Variants in ASPSCR1 observed in about 807,000 individuals in gnomAD.
ASPSCR1 encodes tether containing UBX domain for GLUT4.
In ASPSCR1, 55 loss-of-function variants were observed where a neutral mutation model predicts 68.9. The observed-to-expected ratio is 0.80, with a 90% CI of 0.64 to 1.00. The LOEUF is 1.00. Among genes scored for constraint, ASPSCR1 ranks in the 50% least tolerant of loss-of-function variants. The pLI is 0.00. For synonymous variants in ASPSCR1, 352 were observed against 332.6 expected, an observed-to-expected ratio of 1.06 and a Z score of -0.63; for missense variants, 765 against 762.2, an observed-to-expected ratio of 1.00 and a Z score of -0.04.
Position 82,010,827 on chromosome 17 carries a change from A to C in ASPSCR1, c.1196A>C (p.Asp399Ala). 1 of 1,613,010 alleles carries C rather than the reference A, an allele frequency of 6.2e-7. No homozygotes were observed. Among genetic ancestry groups the C allele is most frequent in the Non-Finnish European group, 8.5e-7 (1 of 1,179,872 alleles). ...PKVALRVLFPDRYVLQGFFRP... is the reference protein window; with the variant it reads ...PKVALRVLFPARYVLQGFFRP... ...GTGGCTCTGAGGGTCCTGTTCCCCG[A>C]CCGCTACGTCCTACAGGGCTTCTTC... is the stretch of plus-strand genomic sequence containing the variant. The change falls in exon 10 of 16, where the codon GAC becomes GCC. Residue 399 changes from aspartate (D) to alanine (A), a missense_variant. Asp to Ala is a moderately radical substitution (Grantham distance 126). Coordinates refer to ENST00000306739, the MANE Select transcript of ASPSCR1 (RefSeq NM_024083.4).
chr17:82,001,318 C>G (rs1310797444), intron 7 of ASPSCR1, among the ~76,000 whole-genome samples: 1 of 152,150 alleles, frequency 6.6e-6, no homozygotes, highest in African/African-American at 2.4e-5. Flanking sequence ...ACAGGAGCCC[C>G]CACATCCGAC....
chr17:82,016,793 C>G lies in ASPSCR1; in HGVS notation c.1406-7C>G. 6.2e-7 allele frequency: 1 copy of G among 1,608,484 alleles called. No homozygotes were observed. The highest frequency in any genetic ancestry group is 2.2e-5 in the East Asian group (1 of 44,860). On this transcript the variant is annotated splice_region_variant and splice_polypyrimidine_tract_variant and intron_variant, in intron 13 of 15. Transcript: ENST00000306739. ...GAGGCTCAGGGTGAGCTTGGGCCTC[C>G]CTGCAGGTGTCTACCTGGAGCCTGG...
chr17:81,988,938 C>T (rs1043031315), intron 4 of ASPSCR1, among the ~76,000 whole-genome samples: 2 of 152,142 alleles, frequency 1.3e-5, no homozygotes, highest in East Asian at 1.9e-4. Flanking sequence ...CCGGGCATGG[C>T]GGCTCTCACC....
intron 11 of ASPSCR1, 77 bp downstream of exon 11, chr17:82,011,682 G>A: frequency 6.6e-7 from 1 of 1,508,022 alleles, no homozygotes; most frequent in South Asian, 1.2e-5. Context: ...GCCCGTCCCA[G>A]CTGGGGCTCG....
chr17:82,009,237 G>A, intron 8 of ASPSCR1, 46 bp downstream of exon 8: 1 of 1,541,062 alleles, frequency 6.5e-7, no homozygotes, highest in Non-Finnish European at 8.8e-7. Flanking sequence ...GCCAGGGTTT[G>A]CCCCATCGGG....
chr17:82,003,980 C>T (rs1261596722), intron 7 of ASPSCR1, among the ~76,000 whole-genome samples: 2 of 152,236 alleles, frequency 1.3e-5, no homozygotes, highest in African/African-American at 4.8e-5. Context: ...CGGGCCGAGA[C>T]GGTGGGAGGG....
Position 81,977,748 on chromosome 17 carries a change from G to C in ASPSCR1, c.102G>C (p.Gln34His), listed in dbSNP as rs1401210844. The change falls in exon 1 of 16, where the codon CAG (glutamine) becomes CAC (histidine). Residue 34 changes from glutamine (Q) to histidine (H), a missense_variant and splice_region_variant. By Grantham distance (24) the Gln-to-His change is conservative. Transcript: ENST00000306739. This position sits in a 1 kb window ranked among gnomAD's most constrained non-coding sequence, Gnocchi z 5.0. ...TGACGCCGAGCACCGTGCTGCTTCA[G>C]GTGCGGCCGCCCGCCCGGGGCGGAC... ...VKVTPSTVLL[Q>H]VLEDTCRRQD... is the part of the protein sequence containing the mutation. 1 of 1,233,436 alleles carries C rather than the reference G, an allele frequency of 8.1e-7. No homozygotes were observed. The highest frequency in any genetic ancestry group is 1.0e-6 in the Non-Finnish European group (1 of 986,840). The allele number at this position is 1,233,436 out of a possible 1,614,324, so 76.4% of individuals were successfully genotyped here.
chr17:81,985,477 A>T (rs1160373353), intron 3 of ASPSCR1, 30 bp from the exon 4 acceptor site: 2 of 1,603,972 alleles, frequency 1.2e-6, no homozygotes, highest in African/African-American at 2.7e-5. Context: ...TTTCTTCCTA[A>T]GGAAGTTTCT....
In ASPSCR1 at chr17:81,986,716, A is replaced by G. The variant is rs1161056890; in HGVS notation, c.374+1109A>G. The stretch of plus-strand genomic sequence containing the variant: ...TGAGTTCATGTCTTGAGGACCGAGC[A>G]TAGGGCCTGTGGGAAGGTGACCGCG... On this transcript the variant is annotated intron_variant, in intron 4 of 15. Transcript: ENST00000306739. This position sits in a 1 kb window ranked among gnomAD's most constrained non-coding sequence, Gnocchi z 5.2. 8.0e-6 allele frequency among the ~76,000 whole-genome samples: 1 copy of G among 125,594 alleles called. No homozygotes were observed. The highest frequency in any genetic ancestry group is 1.6e-5 in the Non-Finnish European group (1 of 61,574). 82.4% of individuals were successfully genotyped at this position (125,594 alleles called of 152,430 possible).
Position 82,009,484 on chromosome 17 carries a change from A to G in ASPSCR1, c.1089-2A>G, listed in dbSNP as rs1205892074. On this transcript the variant is annotated splice_acceptor_variant, in intron 8 of 15. Coordinates refer to ENST00000306739, the MANE Select transcript of ASPSCR1 (RefSeq NM_024083.4). LOFTEE classifies it high-confidence loss of function. Reference sequence around the variant, plus strand: ...CCCTGTTCCTTCCCCTCCTCACCACAGGAAGCGCCTGGAAGAAGCCCCCTT... The same window carrying G: ...CCCTGTTCCTTCCCCTCCTCACCACGGGAAGCGCCTGGAAGAAGCCCCCTT... 1 of 1,575,992 alleles carries G rather than the reference A, an allele frequency of 6.3e-7. No individual in the cohort carries two copies. Among genetic ancestry groups the G allele is most frequent in the Non-Finnish European group, 8.6e-7 (1 of 1,160,846 alleles).
At chr17:82,002,173 A>C (rs1044417749) in intron 7 of ASPSCR1, among the ~76,000 whole-genome samples, 2 of 147,328 alleles carry the variant, frequency 1.4e-5, no homozygotes, top group African/African-American at 5.0e-5. Context: ...CTTCTAAAGT[A>C]TTTTTCTTTT....
intron 4 of ASPSCR1, among the ~76,000 whole-genome samples, chr17:81,994,300 G>A (rs956646576): frequency 2.0e-5 from 3 of 152,226 alleles, no homozygotes; most frequent in Admixed American, 1.3e-4. Flanking sequence ...GGGCGTGAGC[G>A]GAGTGCAGCG....
intron 10 of ASPSCR1, among the ~76,000 whole-genome samples, chr17:82,011,294 G>A (rs2042930007): frequency 6.6e-6 from 1 of 152,074 alleles, no homozygotes; most frequent in African/African-American, 2.4e-5. Flanking sequence ...CGCTTAGGCT[G>A]GGGCGGGGGT....
At position 81,985,674 on chromosome 17, in the gene ASPSCR1, G is replaced by A. The variant is rs558036355; in HGVS notation, c.374+67G>A. The A allele has an allele frequency of 4.0e-6, 6 of 1,507,452 alleles. No individual in the cohort carries two copies. In the Admixed American group the frequency reaches 7.0e-5, roughly 17 times the overall value. 93.4% of individuals were successfully genotyped at this position (1,507,452 alleles called of 1,614,324 possible). Reference sequence around the variant, plus strand: ...CTGGGGAAGCTGCTGTGGTTACTGGGTCTGGTTCAGAGCTGGACACCCAAG... The same window carrying A: ...CTGGGGAAGCTGCTGTGGTTACTGGATCTGGTTCAGAGCTGGACACCCAAG... On this transcript the variant is annotated intron_variant, in intron 4 of 15. Coordinates refer to ENST00000306739, the MANE Select transcript of ASPSCR1 (RefSeq NM_024083.4).
At chr17:81,998,256 C>G (rs1357079171) in intron 7 of ASPSCR1, among the ~76,000 whole-genome samples, 1 of 152,184 alleles carries the variant, frequency 6.6e-6, no homozygotes, top group African/African-American at 2.4e-5. Flanking sequence ...CAATTGTGAG[C>G]CACCTCACCA....
intron 11 of ASPSCR1, 22 bp downstream of exon 11, chr17:82,011,627 C>T: frequency 6.2e-7 from 1 of 1,603,692 alleles, no homozygotes; most frequent in Non-Finnish European, 8.5e-7. Flanking sequence ...CTCCTGAGCC[C>T]ACTCCTGCCT....
At chr17:82,015,154 G>T in intron 12 of ASPSCR1, 1 of 1,598,290 alleles carries the variant, frequency 6.3e-7, no homozygotes, top group Non-Finnish European at 8.5e-7. Flanking sequence ...CAGAGAACAC[G>T]CTTGCCAGTG....
intron 15 of ASPSCR1, 84 bp from the exon 16 acceptor site, chr17:82,017,225 G>C (rs550618051): frequency 1.3e-6 from 2 of 1,596,608 alleles, no homozygotes; most frequent in Admixed American, 3.3e-5. Context: ...CGGCAGGGCC[G>C]AGTGCTTCAG....
At position 81,999,915 on chromosome 17, in the gene ASPSCR1, C is replaced by T. The variant is rs1335642533; in HGVS notation, c.933+3069C>T. Among the ~76,000 whole-genome samples, 1 of 152,208 alleles carries T rather than the reference C, an allele frequency of 6.6e-6. No individual in the cohort carries two copies. The highest frequency in any genetic ancestry group is 2.4e-5 in the African/African-American group (1 of 41,456). On this transcript the variant is annotated intron_variant, in intron 7 of 15. Transcript: ENST00000306739. This position sits in a 1 kb window ranked among gnomAD's most constrained non-coding sequence, Gnocchi z 4.4. Reference sequence around the variant, plus strand: ...GTCCAGCCCCTCTGTTTTCTGTCCCCCTGGCTGTCCTGGGACTGTTCCTGT... The same window carrying T: ...GTCCAGCCCCTCTGTTTTCTGTCCCTCTGGCTGTCCTGGGACTGTTCCTGT...
Sources: gnomAD v4.1 joint callset for allele counts (sites outside exome capture counted in the v4.1 genomes callset) on GRCh38, gnomAD v4.1.1 for gene constraint, Gnocchi (gnomAD v3.1) non-coding constraint, MANE v1.5 for transcripts, NCBI Gene and HGNC (gene_info 2026-07-23, HGNC 2026-07-21) for gene names.